Variants in DGKH observed in about 807,000 individuals in gnomAD.
The protein encoded by DGKH is DAG kinase eta.
DGKH carries 90 observed loss-of-function variants against 159.3 expected under a neutral mutation model. The ratio of observed to expected loss-of-function variants is 0.57; its 90% CI spans 0.48 to 0.67. The LOEUF is 0.67. DGKH is among the 30% of genes least tolerant of loss of function. DGKH has a pLI of 0.00. For synonymous variants in DGKH, 536 were observed against 553.8 expected (o/e 0.97, Z 0.45); for missense variants, 1,181 against 1,506.1 (o/e 0.78, Z 3.57).
chr13:42,227,081 G>A (rs1039993841), intron 29 of DGKH, among the ~76,000 whole-genome samples: 3 of 152,024 alleles, frequency 2.0e-5, no homozygotes, highest in Non-Finnish European at 2.9e-5. Context: ...ACAGGGAGGG[G>A]AACAACATAC....
chr13:42,151,492 T>TATACACATGTATATATATACAC, intron 3 of DGKH, among the ~76,000 whole-genome samples: 3 of 118,486 alleles, frequency 2.5e-5, no homozygotes, highest in African/African-American at 9.4e-5. Context: ...TGTGTGTGTG[T>TATACACATGTATATATATACAC]GTGTGTGTGT....
chr13:42,057,921 T>G (rs1881879563), intron 1 of DGKH, among the ~76,000 whole-genome samples: 1 of 151,670 alleles, frequency 6.6e-6, no homozygotes, highest in African/African-American at 2.4e-5. Context: ...GAACAGCAGC[T>G]GCAAAGAGGG....
intron 1 of DGKH, 64 bp from the exon 2 acceptor site, chr13:42,127,399 T>C (rs1594063168): frequency 8.5e-7 from 1 of 1,174,676 alleles, no homozygotes. Context: ...CACCATTGGC[T>C]CTGAATTTCA....
In DGKH at chr13:42,159,266, T is replaced by TTTTTTTTTTTTGG; in HGVS notation, c.623_624insTTTTTTTTTTTGG (p.Cys209PhefsTer6). On this transcript the variant is annotated frameshift_variant and splice_region_variant, in exon 6 of 30. Transcript: ENST00000337343. LOFTEE classifies it high-confidence loss of function. ...GCTCTTTTTTTTTTTTTTTTTTTAG[T>TTTTTTTTTTTTGG]GTGTAAATTCAAGGCTCACAAAAGA... is the stretch of plus-strand genomic sequence containing the variant. The TTTTTTTTTTTTGG allele has an allele frequency of 7.5e-7, 1 of 1,332,564 alleles. No individual in the cohort carries two copies. Among genetic ancestry groups the TTTTTTTTTTTTGG allele is most frequent in the Non-Finnish European group, 1.0e-6 (1 of 961,740 alleles). 82.5% of individuals were successfully genotyped at this position (1,332,564 alleles called of 1,614,324 possible).
intron 1 of DGKH, among the ~76,000 whole-genome samples, chr13:42,061,044 A>G (rs779543840): frequency 6.6e-6 from 1 of 151,988 alleles, no homozygotes; most frequent in Non-Finnish European, 1.5e-5. Context: ...AAAGGGAAAC[A>G]ACTTCCTCCA....
chr13:42,130,082 C>G (rs889229582), intron 3 of DGKH, among the ~76,000 whole-genome samples: 15 of 152,212 alleles, frequency 9.9e-5, no homozygotes, highest in Non-Finnish European at 1.5e-4. Context: ...CAGCTCTGTT[C>G]CAGTTTCTTC....
intron 29 of DGKH, among the ~76,000 whole-genome samples, chr13:42,227,310 A>T (rs1395084839): frequency 6.6e-6 from 1 of 152,218 alleles, no homozygotes; most frequent in Non-Finnish European, 1.5e-5. Flanking sequence ...ATGTAATTCT[A>T]TGGAAAACAT....
At chr13:42,253,786 T>A (rs1958636941) in intron 30 of DGKH, among the ~76,000 whole-genome samples, 1 of 152,236 alleles carries the variant, frequency 6.6e-6, no homozygotes, top group African/African-American at 2.4e-5. Context: ...TGCAGTTATT[T>A]ACAAAGGAAA....
At chr13:42,189,392 T>C in intron 15 of DGKH, 83 bp downstream of exon 15, 12 of 1,538,246 alleles carry the variant, frequency 7.8e-6, no homozygotes, top group Non-Finnish European at 1.0e-5. Flanking sequence ...GTGGTCAGAT[T>C]GGACACACTT....
intron 29 of DGKH, among the ~76,000 whole-genome samples, chr13:42,226,248 A>G (rs1958129296): frequency 6.6e-6 from 1 of 152,224 alleles, no homozygotes; most frequent in Admixed American, 6.5e-5. Context: ...TCAATGAGAT[A>G]CTATCTCACA....
chr13:42,152,821 A>G (rs762500182), intron 3 of DGKH, among the ~76,000 whole-genome samples: 7 of 149,874 alleles, frequency 4.7e-5, no homozygotes, highest in Non-Finnish European at 1.0e-4. Flanking sequence ...CAGGGGTGGG[A>G]GGGGTGGCTT....
intron 1 of DGKH, among the ~76,000 whole-genome samples, chr13:42,064,578 G>A (rs1882423006): frequency 6.6e-6 from 1 of 152,096 alleles, no homozygotes; most frequent in Non-Finnish European, 1.5e-5. Flanking sequence ...AGTAACCATG[G>A]GACTGAGCAG....
At chr13:42,169,427 G>A (rs972505706) in intron 11 of DGKH, among the ~76,000 whole-genome samples, 6 of 152,090 alleles carry the variant, frequency 3.9e-5, no homozygotes, top group African/African-American at 1.2e-4. Context: ...CTGAATGTCC[G>A]TGTATAAAAA....
rs2099078556 is a variant in DGKH at position 42,233,865 on chromosome 13, A to C, written c.*4677A>C. ...TTGTACATTTTCATTTTCTCTTATC[A>C]GTAGATTGTCCTTGTTGACATAGCT... is the stretch of plus-strand genomic sequence containing the variant. On this transcript the variant is annotated 3_prime_UTR_variant, in exon 30 of 30. Coordinates refer to ENST00000337343, the MANE Select transcript of DGKH (RefSeq NM_178009.5). 1 of 152,248 alleles carries C rather than the reference A, an allele frequency of 6.6e-6. No individual in the cohort carries two copies. The highest frequency in any genetic ancestry group is 2.1e-4 in the South Asian group (1 of 4,830). 9.4% of individuals were successfully genotyped at this position (152,248 alleles called of 1,614,324 possible). A position where few individuals can be genotyped will look rare whatever the true frequency, so the allele number is the denominator to read the frequency against.
chr13:42,206,074 A>G lies in DGKH; in HGVS notation c.2529A>G (p.Gln843=). ...AGTATATTCCTCTTCCCAGCTTGCAAGGCATAGCCGTGTTGAACATTCCCA... is the reference window on the plus strand; with the variant it reads ...AGTATATTCCTCTTCCCAGCTTGCAGGGCATAGCCGTGTTGAACATTCCCA... ...DGQYIPLPSL[Q]GIAVLNIPSY... is the part of the protein sequence containing the mutation. The change falls in exon 21 of 30, where the codon CAA becomes CAG. Residue 843 remains glutamine, a synonymous_variant. Coordinates refer to ENST00000337343, the MANE Select transcript of DGKH (RefSeq NM_178009.5). 1 of 1,440,154 alleles carries G rather than the reference A, an allele frequency of 6.9e-7. No homozygotes were observed. Among genetic ancestry groups the G allele is most frequent in the Non-Finnish European group, 9.2e-7 (1 of 1,089,272 alleles). The allele number at this position is 1,440,154 out of a possible 1,614,324, so 89.2% of individuals were successfully genotyped here. A position where few individuals can be genotyped will look rare whatever the true frequency, so the allele number is the denominator to read the frequency against.
At chr13:42,121,182 A>C (rs1404559077) in intron 1 of DGKH, among the ~76,000 whole-genome samples, 1 of 152,174 alleles carries the variant, frequency 6.6e-6, no homozygotes, top group Non-Finnish European at 1.5e-5. Context: ...ATATGAAAGC[A>C]GTATGAATTC....
chr13:42,240,051 C>T lies in DGKH; in HGVS notation c.*10863C>T, dbSNP rs1340915080. 2 of 152,172 alleles carry T rather than the reference C, an allele frequency of 1.3e-5. No individual in the cohort carries two copies. Among genetic ancestry groups the T allele is most frequent in the Non-Finnish European group, 2.9e-5 (2 of 68,008 alleles). 9.4% of individuals were successfully genotyped at this position (152,172 alleles called of 1,614,324 possible). A position where few individuals can be genotyped will look rare whatever the true frequency, so the allele number is the denominator to read the frequency against. On this transcript the variant is annotated 3_prime_UTR_variant, in exon 30 of 30. Transcript: ENST00000337343. ...AACTTTTTCTGTTAAAATAACATAACATTTCAATTACACACACACAACCTG... is the reference window on the plus strand; with the variant it reads ...AACTTTTTCTGTTAAAATAACATAATATTTCAATTACACACACACAACCTG...
rs748683859 is a variant in DGKH, at chr13:42,206,975, TTTTCTTTCTTTCTTTC to T, written c.2601+865_2601+880del. 9.4e-3 allele frequency among the ~76,000 whole-genome samples: 772 copies of T among 82,272 alleles called. 38 individuals are homozygous for T. Among genetic ancestry groups the T allele is most frequent in the African/African-American group, 0.035 (689 of 19,834 alleles). 54.0% of individuals were successfully genotyped at this position (82,272 alleles called of 152,430 possible). ...CACAATACCTTTTGGTACTTTTACT[TTTTCTTTCTTTCTTTC>T]TTTCTTTCTTTCTTTCTTTCTTTCT... On this transcript the variant is annotated intron_variant, in intron 21 of 29. Coordinates refer to ENST00000337343, the MANE Select transcript of DGKH (RefSeq NM_178009.5).
At chr13:42,129,969 T>C (rs947874276) in intron 3 of DGKH, among the ~76,000 whole-genome samples, 1 of 152,254 alleles carries the variant, frequency 6.6e-6, no homozygotes, top group African/African-American at 2.4e-5. Flanking sequence ...TTAAATATAA[T>C]ATTTTCTCCA....
Sources: gnomAD v4.1 joint callset for allele counts (sites outside exome capture counted in the v4.1 genomes callset) on GRCh38, gnomAD v4.1.1 for gene constraint, MANE v1.5 for transcripts, NCBI Gene and HGNC (gene_info 2026-07-23, HGNC 2026-07-21) for gene names.